Variants in RABGAP1L observed in about 807,000 individuals in gnomAD.
RABGAP1L encodes RAB GTPase activating protein 1 like, also known as rab GTPase-activating protein 1-like.
RABGAP1L carries 63 observed loss-of-function variants against 137.7 expected under a neutral mutation model. That is an observed-to-expected ratio of 0.46 (90% CI 0.37 to 0.56). RABGAP1L has a LOEUF of 0.56. Ranked by LOEUF, RABGAP1L falls within the 20% of genes least tolerant of loss-of-function variation. RABGAP1L has a pLI of 0.00. For missense variants in RABGAP1L, 1,095 were observed against 1,244.0 expected, an observed-to-expected ratio of 0.88 and a Z score of 1.80; for synonymous variants, 431 against 433.7, an observed-to-expected ratio of 0.99 and a Z score of 0.08.
At position 174,639,934 on chromosome 1, in the gene RABGAP1L, A is replaced by G. The variant is rs146661458; in HGVS notation, c.1824+2446A>G. Among the ~76,000 whole-genome samples the G allele has an allele frequency of 7.2e-4, 109 of 152,302 alleles. 1 individual carries two copies. The highest frequency in any genetic ancestry group is 2.4e-3 in the African/African-American group (101 of 41,584). ...ATACATTTTACAACATGACTAAACC[A>G]TTTTAAAACTCTTTCTGAATGAAGA... On this transcript the variant is annotated intron_variant, in intron 14 of 25. Coordinates refer to ENST00000681986, the MANE Select transcript of RABGAP1L (RefSeq NM_001366446.1).
At chr1:174,606,678 T>C (rs1670817458) in intron 13 of RABGAP1L, among the ~76,000 whole-genome samples, 2 of 152,212 alleles carry the variant, frequency 1.3e-5, no homozygotes, top group Admixed American at 1.3e-4. Context: ...GATCTTGTTT[T>C]CCAAGCCAAA....
intron 19 of RABGAP1L, among the ~76,000 whole-genome samples, chr1:174,815,318 T>G (rs934980272): frequency 6.6e-6 from 1 of 152,202 alleles, no homozygotes; most frequent in Non-Finnish European, 1.5e-5. Context: ...CTGAGACTTA[T>G]GTGTTAGACA....
At chr1:174,638,417 A>AG (rs1674238703) in intron 14 of RABGAP1L, among the ~76,000 whole-genome samples, 1 of 152,104 alleles carries the variant, frequency 6.6e-6, no homozygotes, top group African/African-American at 2.4e-5. Context: ...GAGAAATAGG[A>AG]ACACTTTTAC....
At chr1:174,808,225 G>A (rs1689515419) in intron 18 of RABGAP1L, among the ~76,000 whole-genome samples, 1 of 151,884 alleles carries the variant, frequency 6.6e-6, no homozygotes, top group Admixed American at 6.6e-5. Flanking sequence ...CTGATCTCGT[G>A]ATCTGCCCGT....
chr1:174,800,343 G>T (rs1390191797), intron 18 of RABGAP1L: 1 of 1,550,274 alleles, frequency 6.5e-7, no homozygotes, highest in Non-Finnish European at 8.7e-7. Context: ...ATGGAAGAAG[G>T]GGTGCCCTGC....
Position 174,751,944 on chromosome 1 carries a change from C to T in RABGAP1L, c.2170-369C>T, listed in dbSNP as rs1390549781. ...GCCACTTGCAGTTTAACTGTAACAC[C>T]GAGATGTCCAGATTAGGGTTAGGAA... On this transcript the variant is annotated intron_variant, in intron 17 of 25. Coordinates refer to ENST00000681986, the MANE Select transcript of RABGAP1L (RefSeq NM_001366446.1). 4.6e-5 allele frequency among the ~76,000 whole-genome samples: 7 copies of T among 151,774 alleles called. No homozygotes were observed. In the South Asian group the frequency reaches 1.3e-3, roughly 27 times the overall value.
chr1:174,325,321 T>C (rs1680341903), intron 11 of RABGAP1L, among the ~76,000 whole-genome samples: 1 of 152,240 alleles, frequency 6.6e-6, no homozygotes, highest in Non-Finnish European at 1.5e-5. Context: ...TAGGTTACTT[T>C]GGCAAATTAT....
At chr1:174,654,176 A>C (rs557188076) in intron 14 of RABGAP1L, among the ~76,000 whole-genome samples, 1 of 152,328 alleles carries the variant, frequency 6.6e-6, no homozygotes, top group East Asian at 1.9e-4. Flanking sequence ...TTTCCTCAGA[A>C]GCTGGCCCAC....
chr1:174,878,130 C>G (rs1471181389), intron 19 of RABGAP1L, among the ~76,000 whole-genome samples: 1 of 152,178 alleles, frequency 6.6e-6, no homozygotes, highest in Non-Finnish European at 1.5e-5. Flanking sequence ...CTGGCATAAT[C>G]AAAAACGGAA....
intron 13 of RABGAP1L, among the ~76,000 whole-genome samples, chr1:174,479,445 T>G (rs1015784540): frequency 6.6e-6 from 1 of 152,190 alleles, no homozygotes; most frequent in Admixed American, 6.5e-5. Flanking sequence ...GAATTTGCAC[T>G]TTTGAAAACT....
intron 19 of RABGAP1L, among the ~76,000 whole-genome samples, chr1:174,823,873 A>T (rs1362212589): frequency 3.3e-5 from 5 of 152,200 alleles, no homozygotes; most frequent in African/African-American, 9.6e-5. Flanking sequence ...TGGCTGGGTA[A>T]GTGGCTCATG....
chr1:174,548,089 G>A, intron 13 of RABGAP1L: 7 of 1,544,946 alleles, frequency 4.5e-6, no homozygotes, highest in South Asian at 2.4e-5. Flanking sequence ...TAGCATGAGT[G>A]CTTTCTTTGC....
chr1:174,559,413 G>A (rs975267221), intron 13 of RABGAP1L, among the ~76,000 whole-genome samples: 5 of 152,110 alleles, frequency 3.3e-5, no homozygotes, highest in Non-Finnish European at 7.3e-5. Flanking sequence ...GGACTTATCC[G>A]CATCTTTGAT....
intron 19 of RABGAP1L, among the ~76,000 whole-genome samples, chr1:174,816,647 A>G (rs1408368952): frequency 6.6e-6 from 1 of 152,128 alleles, no homozygotes; most frequent in Non-Finnish European, 1.5e-5. Flanking sequence ...ATGCCTCCTT[A>G]CAGCTCAAAT....
chr1:174,692,337 AAGC>A (rs1259525807), intron 15 of RABGAP1L, among the ~76,000 whole-genome samples: 3 of 152,320 alleles, frequency 2.0e-5, no homozygotes, highest in Non-Finnish European at 1.5e-5. Flanking sequence ...GATTCAGAGA[AAGC>A]AGGGGTCTCC....
chr1:174,619,659 C>A (rs1055798148), intron 13 of RABGAP1L, among the ~76,000 whole-genome samples: 1 of 152,192 alleles, frequency 6.6e-6, no homozygotes, highest in Non-Finnish European at 1.5e-5. Flanking sequence ...TGGAAAGGAA[C>A]AAACAGTACC....
At chr1:174,930,348 A>G (rs1009305874) in intron 19 of RABGAP1L, among the ~76,000 whole-genome samples, 3 of 148,478 alleles carry the variant, frequency 2.0e-5, no homozygotes, top group African/African-American at 7.5e-5. Context: ...TTTTTTTGAG[A>G]CAGGATCTTG....
At chr1:174,632,240 G>A (rs1198757179) in intron 13 of RABGAP1L, among the ~76,000 whole-genome samples, 24 of 143,628 alleles carry the variant, frequency 1.7e-4, no homozygotes, top group Non-Finnish European at 2.9e-4. Context: ...CTTCTGGCTT[G>A]TAGGGTTTCT....
At chr1:174,214,124 G>T (rs1669108036) in intron 1 of RABGAP1L, among the ~76,000 whole-genome samples, 1 of 152,068 alleles carries the variant, frequency 6.6e-6, no homozygotes, top group South Asian at 2.1e-4. Flanking sequence ...TGTTAGAACT[G>T]ATAAACAGAT....
Sources: allele counts gnomAD v4.1 joint callset (sites outside exome capture counted in the v4.1 genomes callset), GRCh38; gene constraint gnomAD v4.1.1; transcripts MANE v1.5; gene names NCBI Gene and HGNC (gene_info 2026-07-23, HGNC 2026-07-21).